ITGA8: variants seen among roughly 807,000 people sequenced by gnomAD.
ITGA8 encodes integrin alpha-8.
Under a neutral mutation model 142.3 loss-of-function variants are expected in ITGA8, and 91 were observed. The observed-to-expected ratio is 0.64, with a 90% CI of 0.54 to 0.76. The LOEUF (loss-of-function observed/expected upper bound fraction) is 0.76. Ranked by LOEUF, ITGA8 falls within the 30% of genes least tolerant of loss-of-function variation. The pLI, the probability that ITGA8 is intolerant of heterozygous loss-of-function variation, is 0.00. For missense variants in ITGA8, 1,406 were observed against 1,327.7 expected (o/e 1.06, Z -0.92); for synonymous variants, 505 against 485.2 (o/e 1.04, Z -0.54).
chr10:15,589,321 A>T (rs770396711), intron 22 of ITGA8, among the ~76,000 whole-genome samples: 2 of 152,140 alleles, frequency 1.3e-5, no homozygotes, highest in Non-Finnish European at 2.9e-5. Context: ...TCTCACCATT[A>T]CTAAGGAAGA....
intron 15 of ITGA8, 159 bp downstream of exon 15, chr10:15,613,501 G>A: frequency 1.5e-6 from 1 of 656,414 alleles, no homozygotes; most frequent in South Asian, 1.8e-5. Context: ...TCAAACTTCG[G>A]CCACAGACCA....
intron 27 of ITGA8, among the ~76,000 whole-genome samples, chr10:15,531,815 A>G (rs7072385): frequency 0.36 from 54,317 of 151,270 alleles, 10,255 homozygotes; most frequent in African/African-American, 0.47. Context: ...CATAGTGGCA[A>G]GCGCCTGTAA....
chr10:15,719,194 G>C (rs1460373236), intron 1 of ITGA8, among the ~76,000 whole-genome samples: 1 of 152,186 alleles, frequency 6.6e-6, no homozygotes, highest in Non-Finnish European at 1.5e-5. Flanking sequence ...GCTGGTAGCC[G>C]ACAGCTCTTG....
chr10:15,690,306 C>G (rs944908333), intron 2 of ITGA8, among the ~76,000 whole-genome samples: 1 of 152,282 alleles, frequency 6.6e-6, no homozygotes, highest in East Asian at 1.9e-4. Flanking sequence ...GCTCCAGAAC[C>G]TGAATTGCAG....
At position 15,595,992 on chromosome 10, in the gene ITGA8, G is replaced by A. The variant is rs146282400; in HGVS notation, c.2211+1215C>T. Among the ~76,000 whole-genome samples, 1,198 of 152,224 alleles carry A rather than the reference G, an allele frequency of 7.9e-3. 17 individuals carry two copies. The highest frequency in any genetic ancestry group is 0.026 in the African/African-American group (1,092 of 41,532). On this transcript the variant is annotated intron_variant, in intron 21 of 29. Transcript: ENST00000378076. The stretch of plus-strand genomic sequence containing the variant: ...CTTGAACCCGGGAGGCAGAGGTTGC[G>A]GTGAGCTAAGATCGTGCCATTGCAC...
chr10:15,589,823 C>T (rs1055892210), intron 22 of ITGA8, among the ~76,000 whole-genome samples: 8 of 145,096 alleles, frequency 5.5e-5, no homozygotes, highest in Non-Finnish European at 8.9e-5. Flanking sequence ...AGTGCAGTGG[C>T]GCAATCTTGA....
chr10:15,670,540 G>A (rs1002158272), intron 8 of ITGA8, among the ~76,000 whole-genome samples: 1 of 152,136 alleles, frequency 6.6e-6, no homozygotes, highest in African/African-American at 2.4e-5. Context: ...CTTTGTAAAA[G>A]AGATAAATAA....
At chr10:15,606,552 G>A in intron 17 of ITGA8, 130 bp from the exon 18 acceptor site, 1 of 864,580 alleles carries the variant, frequency 1.2e-6, no homozygotes, top group East Asian at 2.6e-5. Flanking sequence ...TTTGCAGCAG[G>A]CTTAGATGGA....
chr10:15,583,312 A>G (rs918589207), intron 23 of ITGA8, among the ~76,000 whole-genome samples: 2 of 152,116 alleles, frequency 1.3e-5, no homozygotes, highest in African/African-American at 2.4e-5. Flanking sequence ...GAGTTGAACA[A>G]TGAGAGCACG....
intron 25 of ITGA8, among the ~76,000 whole-genome samples, chr10:15,563,025 G>T (rs1192856927): frequency 2.0e-5 from 3 of 152,166 alleles, no homozygotes; most frequent in African/African-American, 7.2e-5. Context: ...ATGAGATCTA[G>T]TTGTTTAAAA....
At chr10:15,641,161 C>A (rs982749764) in intron 13 of ITGA8, among the ~76,000 whole-genome samples, 3 of 152,150 alleles carry the variant, frequency 2.0e-5, no homozygotes, top group Admixed American at 6.5e-5. Context: ...TCAAGCAGTT[C>A]TCCTGCCTCA....
intron 8 of ITGA8, among the ~76,000 whole-genome samples, chr10:15,662,470 C>G (rs1187901968): frequency 1.3e-5 from 2 of 151,250 alleles, no homozygotes; most frequent in Non-Finnish European, 2.9e-5. Flanking sequence ...TCCTGAACAG[C>G]TGGGACCACA....
chr10:15,535,423 C>T (rs565584540), intron 27 of ITGA8, among the ~76,000 whole-genome samples: 19 of 152,330 alleles, frequency 1.2e-4, no homozygotes, highest in Middle Eastern at 3.4e-3. Flanking sequence ...CTTGGAGAAC[C>T]TTTATGTCTA....
intron 2 of ITGA8, among the ~76,000 whole-genome samples, chr10:15,694,356 T>C (rs1033860526): frequency 4.1e-5 from 5 of 122,786 alleles, no homozygotes; most frequent in African/African-American, 1.6e-4. Flanking sequence ...ATATATCATA[T>C]ATCAGATAAT....
intron 13 of ITGA8, 41 bp from the exon 14 acceptor site, chr10:15,616,600 T>G (rs528946429): frequency 6.5e-7 from 1 of 1,547,588 alleles, no homozygotes; most frequent in South Asian, 1.1e-5. Context: ...GTGAATCGTA[T>G]AGAAACAATT....
chr10:15,548,209 A>G (rs765138950), intron 27 of ITGA8, among the ~76,000 whole-genome samples: 1 of 151,810 alleles, frequency 6.6e-6, no homozygotes, highest in Non-Finnish European at 1.5e-5. Flanking sequence ...CTCATGCCTC[A>G]GTCTCCCAAG....
At chr10:15,599,344 T>C (rs1564368468) in intron 20 of ITGA8, among the ~76,000 whole-genome samples, 2 of 152,272 alleles carry the variant, frequency 1.3e-5, no homozygotes, top group East Asian at 3.9e-4. Flanking sequence ...TAGAGTGTTC[T>C]TCATTCACTG....
intron 25 of ITGA8, among the ~76,000 whole-genome samples, chr10:15,561,239 A>ATGTG (rs1364516014): frequency 3.1e-5 from 3 of 97,704 alleles, no homozygotes; most frequent in African/African-American, 2.3e-4. Flanking sequence ...ATATATGTAT[A>ATGTG]TATATATATA....
chr10:15,717,758 G>A (rs1055900380), intron 2 of ITGA8, among the ~76,000 whole-genome samples: 1 of 152,108 alleles, frequency 6.6e-6, no homozygotes, highest in African/African-American at 2.4e-5. Flanking sequence ...AACTGAAATT[G>A]TTTTCTCCTT....
Sources: gnomAD v4.1 joint callset for allele counts (sites outside exome capture counted in the v4.1 genomes callset) on GRCh38, gnomAD v4.1.1 for gene constraint, MANE v1.5 for transcripts, NCBI Gene and HGNC (gene_info 2026-07-23, HGNC 2026-07-21) for gene names.